Variants in ZPLD1 observed in about 807,000 individuals in gnomAD.
ZPLD1 encodes zona pellucida-like domain-containing protein 1.
ZPLD1 carries 34 observed loss-of-function variants against 47.2 expected under a neutral mutation model. That is an observed-to-expected ratio of 0.72 (90% CI 0.55 to 0.96). The LOEUF is 0.96. Among genes scored for constraint, ZPLD1 ranks in the 40% least tolerant of loss-of-function variants. The pLI is 0.00. For synonymous variants in ZPLD1, 176 were observed against 186.2 expected (o/e 0.95, Z 0.45); for missense variants, 512 against 505.8 (o/e 1.01, Z -0.12).
chr3:102,443,273 A>C (rs1707208796), intron 3 of ZPLD1, among the ~76,000 whole-genome samples: 1 of 152,210 alleles, frequency 6.6e-6, no homozygotes, highest in South Asian at 2.1e-4. Flanking sequence ...TGCTGTAAAT[A>C]ATACTAATAA....
intron 7 of ZPLD1, among the ~76,000 whole-genome samples, chr3:102,416,670 C>T (rs1227807538): frequency 1.3e-5 from 2 of 151,832 alleles, no homozygotes; most frequent in Non-Finnish European, 2.9e-5. Context: ...TTTGGGGGTA[C>T]ATGCAATAAT....
intron 6 of ZPLD1, among the ~76,000 whole-genome samples, chr3:102,386,795 A>G (rs945779560): frequency 2.0e-5 from 3 of 152,140 alleles, no homozygotes; most frequent in African/African-American, 7.2e-5. Context: ...GTTATTAAAG[A>G]AATATATATG....
intron 3 of ZPLD1, among the ~76,000 whole-genome samples, chr3:102,439,734 A>T (rs1707146743): frequency 6.6e-6 from 1 of 152,188 alleles, no homozygotes. Flanking sequence ...AAATAAATGC[A>T]TTATTCATGC....
rs767566613 is a variant in ZPLD1, at chr3:102,435,170, G to C, written c.-123+16G>C. On this transcript the variant is annotated intron_variant, in intron 1 of 11. Coordinates refer to ENST00000466937, the MANE Select transcript of ZPLD1 (RefSeq NM_001329788.2). ...AATGATGAAGGTAAGGTTGAGGATG[G>C]GAAATTTGCAAGATAATAGTTCATC... The C allele has an allele frequency of 2.5e-6, 4 of 1,613,866 alleles. No individual in the cohort carries two copies. The highest frequency in any genetic ancestry group is 3.4e-6 in the Non-Finnish European group (4 of 1,179,902).
In ZPLD1 at chr3:102,479,639, A is replaced by T. The variant is rs1000501829; in HGVS notation, c.*2021A>T. On this transcript the variant is annotated 3_prime_UTR_variant, in exon 12 of 12. Coordinates refer to ENST00000466937, the MANE Select transcript of ZPLD1 (RefSeq NM_001329788.2). ...ATGAGATAAACCAGGTCTGTTTTTT[A>T]CAACTTTGTTCTTATAAATCTGCAG... 2 of 152,144 alleles carry T rather than the reference A, an allele frequency of 1.3e-5. No individual in the cohort carries two copies. The highest frequency in any genetic ancestry group is 4.8e-5 in the African/African-American group (2 of 41,434). 9.4% of individuals were successfully genotyped at this position (152,144 alleles called of 1,614,324 possible). A position where few individuals can be genotyped will look rare whatever the true frequency, so the allele number is the denominator to read the frequency against.
chr3:102,453,645 G>T (rs1707372515), intron 4 of ZPLD1, among the ~76,000 whole-genome samples: 1 of 152,146 alleles, frequency 6.6e-6, no homozygotes, highest in African/African-American at 2.4e-5. Flanking sequence ...AGTATTTCTG[G>T]TATAATATTC....
In ZPLD1 at chr3:102,478,663, G is replaced by T. The variant is rs1228637282; in HGVS notation, c.*1045G>T. ...TTCTTTTTAAGGTATCTTCTTGTAG[G>T]TGTCATAATTGCCATGAATAAACAA... On this transcript the variant is annotated 3_prime_UTR_variant, in exon 12 of 12. Transcript: ENST00000466937. 2 of 152,076 alleles carry T rather than the reference G, an allele frequency of 1.3e-5. No individual in the cohort carries two copies. Among genetic ancestry groups the T allele is most frequent in the East Asian group, 1.9e-4 (1 of 5,192 alleles). The allele number at this position is 152,076 out of a possible 1,614,324, so 9.4% of individuals were successfully genotyped here.
At chr3:102,424,182 G>A (rs530541518) in intron 8 of ZPLD1, among the ~76,000 whole-genome samples, 167 of 152,210 alleles carry the variant, frequency 1.1e-3, no homozygotes, top group African/African-American at 3.8e-3. Flanking sequence ...GCATCAATGA[G>A]CAAAAGAGAA....
At chr3:102,408,385 G>A (rs766690872) in intron 7 of ZPLD1, among the ~76,000 whole-genome samples, 8 of 151,898 alleles carry the variant, frequency 5.3e-5, no homozygotes, top group East Asian at 1.9e-4. Context: ...TGGATCACAC[G>A]CCCATCCTCA....
chr3:102,473,693 A>T (rs1199983654), intron 10 of ZPLD1, among the ~76,000 whole-genome samples: 1 of 152,238 alleles, frequency 6.6e-6, no homozygotes, highest in African/African-American at 2.4e-5. Flanking sequence ...ACATTGTAAT[A>T]CTATGATATC....
intron 3 of ZPLD1, among the ~76,000 whole-genome samples, chr3:102,448,219 C>G (rs1053385129): frequency 5.3e-5 from 8 of 152,308 alleles, no homozygotes; most frequent in Admixed American, 2.6e-4. Context: ...TAAACTCTGT[C>G]TGCAGGCCTG....
chr3:102,422,484 A>G (rs1441142584), intron 8 of ZPLD1, among the ~76,000 whole-genome samples: 2 of 152,122 alleles, frequency 1.3e-5, no homozygotes, highest in Non-Finnish European at 2.9e-5. Flanking sequence ...ATCTAAATGC[A>G]TAGCATTTTT....
chr3:102,416,594 C>T (rs1032959217), intron 7 of ZPLD1, among the ~76,000 whole-genome samples: 1 of 151,570 alleles, frequency 6.6e-6, no homozygotes, highest in Non-Finnish European at 1.5e-5. Flanking sequence ...TTAGGAAGAC[C>T]TAAAAAAAGT....
chr3:102,459,769 C>T (rs1405562095), intron 6 of ZPLD1, among the ~76,000 whole-genome samples: 2 of 152,084 alleles, frequency 1.3e-5, no homozygotes, highest in Non-Finnish European at 2.9e-5. Context: ...TCCCCTTGCA[C>T]ATATTTTTTT....
At chr3:102,386,067 C>T (rs1221867994) in intron 6 of ZPLD1, among the ~76,000 whole-genome samples, 1 of 152,160 alleles carries the variant, frequency 6.6e-6, no homozygotes, top group Non-Finnish European at 1.5e-5. Flanking sequence ...GAAATCATCA[C>T]ATCTCATTTT....
At chr3:102,458,252 A>G (rs1707450196) in intron 6 of ZPLD1, among the ~76,000 whole-genome samples, 1 of 152,106 alleles carries the variant, frequency 6.6e-6, no homozygotes, top group Non-Finnish European at 1.5e-5. Context: ...TTTCCCTTGG[A>G]GGCATCCTTG....
At chr3:102,464,143 T>C (rs745462151) in intron 7 of ZPLD1, 28 bp from the exon 8 acceptor site, 13 of 1,530,366 alleles carry the variant, frequency 8.5e-6, no homozygotes, top group Non-Finnish European at 1.2e-5. Flanking sequence ...ATTCTGACTC[T>C]AGATTATGTT....
chr3:102,416,781 T>C (rs1006113409), intron 7 of ZPLD1, among the ~76,000 whole-genome samples: 6 of 146,164 alleles, frequency 4.1e-5, no homozygotes, highest in African/African-American at 7.7e-5. Flanking sequence ...ACTCATGCAC[T>C]TCACTATTCG....
At chr3:102,420,121 A>G (rs572563446) in intron 8 of ZPLD1, among the ~76,000 whole-genome samples, 5 of 151,962 alleles carry the variant, frequency 3.3e-5, no homozygotes, top group Non-Finnish European at 5.9e-5. Context: ...TCAAGTGGGA[A>G]ATTATAGGAA....
Sources: allele counts gnomAD v4.1 joint callset (sites outside exome capture counted in the v4.1 genomes callset), GRCh38; gene constraint gnomAD v4.1.1; transcripts MANE v1.5; gene names NCBI Gene and HGNC (gene_info 2026-07-23, HGNC 2026-07-21).